Variants in FHIT observed in about 807,000 individuals in gnomAD.
FHIT encodes fragile histidine triad diadenosine triphosphatase.
FHIT carries 19 observed loss-of-function variants against 17.9 expected under a neutral mutation model. The observed-to-expected ratio is 1.06, with a 90% CI of 0.74 to 1.56. The LOEUF is 1.56. Among genes scored for constraint, FHIT ranks in the 40% most tolerant of loss-of-function variants. The pLI, the probability that FHIT is intolerant of heterozygous loss-of-function variation, is 0.00. For missense variants in FHIT, 248 were observed against 189.2 expected, an observed-to-expected ratio of 1.31 and a Z score of -1.82; for synonymous variants, 81 against 69.7, an observed-to-expected ratio of 1.16 and a Z score of -0.81.
intron 5 of FHIT, among the ~76,000 whole-genome samples, chr3:60,460,893 G>C (rs1172849133): frequency 2.6e-5 from 4 of 152,158 alleles, no homozygotes; most frequent in Non-Finnish European, 4.4e-5. Flanking sequence ...TGGAAGTAGT[G>C]AATCAACTTA....
chr3:61,144,030 T>C (rs955969875), intron 2 of FHIT, among the ~76,000 whole-genome samples: 58 of 152,344 alleles, frequency 3.8e-4, no homozygotes, highest in African/African-American at 1.2e-3. Context: ...CAATGTGCTT[T>C]TTTATAGCTT....
chr3:60,896,088 T>C (rs1705806888), intron 3 of FHIT, among the ~76,000 whole-genome samples: 1 of 152,144 alleles, frequency 6.6e-6, no homozygotes, highest in Non-Finnish European at 1.5e-5. Flanking sequence ...ATTAACCCTA[T>C]TGTGAACTGC....
chr3:60,507,545 G>T (rs2034783978), intron 5 of FHIT, among the ~76,000 whole-genome samples: 1 of 152,130 alleles, frequency 6.6e-6, no homozygotes, highest in Non-Finnish European at 1.5e-5. Context: ...TAAGCTCAGG[G>T]GTACGAGGGT....
chr3:60,262,401 G>C (rs899706760), intron 5 of FHIT, among the ~76,000 whole-genome samples: 2 of 151,946 alleles, frequency 1.3e-5, no homozygotes, highest in African/African-American at 2.4e-5. Flanking sequence ...TTGCAGAAAA[G>C]TGATGGTTAA....
rs867507270 is a variant in FHIT at position 59,986,570 on chromosome 3, T to C, written c.279+24801A>G. Reference sequence around the variant, plus strand: ...ACACACACACACACACACACACACATATATACACACACACACACACACACA... The same window carrying C: ...ACACACACACACACACACACACACACATATACACACACACACACACACACA... On this transcript the variant is annotated intron_variant, in intron 7 of 9. Coordinates refer to ENST00000492590, the MANE Select transcript of FHIT (RefSeq NM_002012.4). Among the ~76,000 whole-genome samples the C allele has an allele frequency of 3.6e-3, 191 of 53,544 alleles. 3 individuals carry two copies. The highest frequency in any genetic ancestry group is 0.02 in the African/African-American group (157 of 7,896). The allele number at this position is 53,544 out of a possible 152,430, so 35.1% of individuals were successfully genotyped here.
chr3:60,301,655 C>G (rs1708462333), intron 5 of FHIT, among the ~76,000 whole-genome samples: 2 of 152,122 alleles, frequency 1.3e-5, no homozygotes, highest in Non-Finnish European at 2.9e-5. Flanking sequence ...CATAACATGA[C>G]TTAGAATCTA....
chr3:61,205,535 C>T (rs868379546), intron 1 of FHIT, among the ~76,000 whole-genome samples: 1 of 152,150 alleles, frequency 6.6e-6, no homozygotes, highest in Non-Finnish European at 1.5e-5. Flanking sequence ...GAGATGGTAT[C>T]TCATTGTGGT....
At chr3:60,806,407 C>G (rs1553734224) in intron 4 of FHIT, among the ~76,000 whole-genome samples, 1 of 152,234 alleles carries the variant, frequency 6.6e-6, no homozygotes, top group African/African-American at 2.4e-5. Flanking sequence ...GGACCTGCAG[C>G]TTTATGTAGC....
intron 3 of FHIT, among the ~76,000 whole-genome samples, chr3:60,859,839 C>A (rs201716575): frequency 1.4e-5 from 2 of 142,254 alleles, no homozygotes; most frequent in Non-Finnish European, 3.0e-5. Flanking sequence ...AGGTCAGGAG[C>A]TCAAGACCAG....
chr3:60,150,051 A>G (rs1437599804), intron 5 of FHIT, among the ~76,000 whole-genome samples: 1 of 121,884 alleles, frequency 8.2e-6, no homozygotes, highest in Admixed American at 1.2e-4. Context: ...GCTGGAGTGC[A>G]GTGGCGCAAT....
intron 5 of FHIT, among the ~76,000 whole-genome samples, chr3:60,305,637 A>G (rs1188021219): frequency 6.6e-6 from 1 of 152,152 alleles, no homozygotes; most frequent in Non-Finnish European, 1.5e-5. Flanking sequence ...AGGAAGAAGT[A>G]AGAAATAACT....
At chr3:59,807,941 T>G (rs1700267277) in intron 8 of FHIT, among the ~76,000 whole-genome samples, 1 of 152,172 alleles carries the variant, frequency 6.6e-6, no homozygotes, top group Non-Finnish European at 1.5e-5. Context: ...TAACGTAAAA[T>G]CCACCATTTA....
At chr3:60,467,169 T>A (rs369037870) in intron 5 of FHIT, among the ~76,000 whole-genome samples, 4 of 152,136 alleles carry the variant, frequency 2.6e-5, no homozygotes, top group African/African-American at 9.6e-5. Flanking sequence ...GCTCACAGTA[T>A]CTTCTAATGA....
intron 8 of FHIT, among the ~76,000 whole-genome samples, chr3:59,793,399 T>C (rs1413532198): frequency 6.6e-6 from 1 of 151,846 alleles, no homozygotes; most frequent in Non-Finnish European, 1.5e-5. Context: ...AAAGTCAGAA[T>C]TGACACTGTG....
In FHIT at chr3:59,911,443, C is replaced by T. The variant is rs1704870385; in HGVS notation, c.348+10903G>A. 2.0e-5 allele frequency among the ~76,000 whole-genome samples: 3 copies of T among 152,134 alleles called. 1 individual carries two copies. The highest frequency in any genetic ancestry group is 2.0e-4 in the Admixed American group (3 of 15,276). On this transcript the variant is annotated intron_variant, in intron 8 of 9. Transcript: ENST00000492590. ...GACCAGCCTATTTTGGATTGTCTATCTTGGAGAGTACTGGTGGGCCTTTTA... is the reference window on the plus strand; with the variant it reads ...GACCAGCCTATTTTGGATTGTCTATTTTGGAGAGTACTGGTGGGCCTTTTA...
At chr3:61,219,078 T>C (rs781703126) in intron 1 of FHIT, among the ~76,000 whole-genome samples, 7 of 152,222 alleles carry the variant, frequency 4.6e-5, no homozygotes, top group Non-Finnish European at 7.3e-5. Flanking sequence ...GTTACAGACC[T>C]GTAAAGCATG....
At chr3:60,486,520 G>A (rs13070051) in intron 5 of FHIT, among the ~76,000 whole-genome samples, 6,302 of 152,168 alleles carry the variant, frequency 0.041, 137 homozygotes, top group South Asian at 0.081. Flanking sequence ...CTCCAAAGGG[G>A]CCTGACAGGT....
chr3:60,298,148 TG>T (rs1175224560), intron 5 of FHIT, among the ~76,000 whole-genome samples: 2 of 152,090 alleles, frequency 1.3e-5, no homozygotes, highest in Non-Finnish European at 2.9e-5. Flanking sequence ...TTCTGTAAGC[TG>T]GAAGGTCTCC....
intron 9 of FHIT, chr3:59,750,263 T>G: frequency 4.4e-6 from 1 of 225,150 alleles, no homozygotes; most frequent in African/African-American, 2.2e-5. Flanking sequence ...CTCCTACAAT[T>G]CAGCAAGCCT....
Sources: gnomAD v4.1 joint callset for allele counts (sites outside exome capture counted in the v4.1 genomes callset) on GRCh38, gnomAD v4.1.1 for gene constraint, MANE v1.5 for transcripts, NCBI Gene and HGNC (gene_info 2026-07-23, HGNC 2026-07-21) for gene names.